SLC25A13: variants seen among roughly 807,000 people sequenced by gnomAD.
SLC25A13 encodes electrogenic aspartate/glutamate antiporter SLC25A13, mitochondrial.
In SLC25A13, 70 loss-of-function variants were observed where a neutral mutation model predicts 85.5. The ratio of observed to expected loss-of-function variants is 0.82; its 90% CI spans 0.68 to 1.00. SLC25A13 has a LOEUF of 1.00. Ranked by LOEUF, SLC25A13 falls within the 50% of genes least tolerant of loss-of-function variation. SLC25A13 has a pLI of 0.00. For missense variants in SLC25A13, 765 were observed against 819.8 expected (o/e 0.93, Z 0.82); for synonymous variants, 259 against 288.7 (o/e 0.90, Z 1.04).
intron 4 of SLC25A13, chr7:96,219,682 G>C (rs1796030872): frequency 1.9e-6 from 1 of 534,492 alleles, no homozygotes; most frequent in African/African-American, 1.9e-5. Flanking sequence ...ATTTGAGACA[G>C]AGCCAGGGAG....
chr7:96,184,859 G>T, intron 10 of SLC25A13, 68 bp downstream of exon 10: 2 of 1,300,606 alleles, frequency 1.5e-6, no homozygotes, highest in African/African-American at 1.5e-5. Flanking sequence ...AACATTTCAA[G>T]ATGGAAAATC....
intron 4 of SLC25A13, among the ~76,000 whole-genome samples, chr7:96,222,419 C>T (rs942383904): frequency 2.0e-5 from 3 of 152,114 alleles, no homozygotes; most frequent in Non-Finnish European, 4.4e-5. Context: ...CACTAGCCAG[C>T]CAACCAAACA....
chr7:96,160,307 AG>A (rs1793457274), intron 13 of SLC25A13, among the ~76,000 whole-genome samples: 1 of 152,218 alleles, frequency 6.6e-6, no homozygotes, highest in Non-Finnish European at 1.5e-5. Flanking sequence ...CCCAGTGTCT[AG>A]CATGAAAGTT....
chr7:96,148,932 C>A (rs1362929165), intron 13 of SLC25A13, among the ~76,000 whole-genome samples: 1 of 152,220 alleles, frequency 6.6e-6, no homozygotes, highest in African/African-American at 2.4e-5. Flanking sequence ...GTGCTCAAGA[C>A]AGAGCCTTTA....
intron 4 of SLC25A13, among the ~76,000 whole-genome samples, chr7:96,228,672 G>C (rs2116790933): frequency 6.6e-6 from 1 of 152,324 alleles, no homozygotes; most frequent in African/African-American, 2.4e-5. Context: ...GCCGAGGCCA[G>C]AGCCAGCTCC....
chr7:96,126,588 C>G (rs1400981964), intron 15 of SLC25A13, among the ~76,000 whole-genome samples: 1 of 152,186 alleles, frequency 6.6e-6, no homozygotes, highest in Admixed American at 6.5e-5. Flanking sequence ...CCCAGGCATT[C>G]TATTCTTCAC....
At chr7:96,129,904 A>G (rs1342222188) in intron 15 of SLC25A13, among the ~76,000 whole-genome samples, 1 of 152,250 alleles carries the variant, frequency 6.6e-6, no homozygotes, top group African/African-American at 2.4e-5. Flanking sequence ...AGTGAAAACT[A>G]TCTATACAAA....
intron 5 of SLC25A13, among the ~76,000 whole-genome samples, chr7:96,195,949 C>G (rs938712998): frequency 2.0e-5 from 3 of 152,204 alleles, no homozygotes; most frequent in Non-Finnish European, 4.4e-5. Context: ...TGCCTTTACA[C>G]CTACCTTACC....
chr7:96,291,985 A>AT (rs1437288501), intron 2 of SLC25A13, among the ~76,000 whole-genome samples: 2 of 152,212 alleles, frequency 1.3e-5, no homozygotes, highest in African/African-American at 4.8e-5. Flanking sequence ...AAAAAAGAGC[A>AT]TTTTAGACCA....
chr7:96,244,975 G>T (rs932505509), intron 3 of SLC25A13, among the ~76,000 whole-genome samples: 2 of 149,502 alleles, frequency 1.3e-5, no homozygotes, highest in African/African-American at 5.0e-5. Flanking sequence ...TATATATATA[G>T]GCTCTCGTAA....
At chr7:96,321,182 T>C (rs929704654) in intron 1 of SLC25A13, among the ~76,000 whole-genome samples, 3 of 152,212 alleles carry the variant, frequency 2.0e-5, no homozygotes, top group Admixed American at 6.5e-5. Flanking sequence ...TGGAGTTGCC[T>C]TTCCTCTGGG....
rs567734697 is a variant in SLC25A13 at position 96,149,086 on chromosome 7, C to G, written c.1312-2390G>C. On this transcript the variant is annotated intron_variant, in intron 13 of 17. Transcript: ENST00000265631. ...TTTAATAAGAATTTCTGCATCTGTC[C>G]TTGCTAAAATTTTCCTATGAGATTA... is the stretch of plus-strand genomic sequence containing the variant. Among the ~76,000 whole-genome samples, 204 of 152,250 alleles carry G rather than the reference C, an allele frequency of 1.3e-3. 2 individuals carry two copies. The Middle Eastern group carries it at 0.037, about 28-fold the overall frequency.
intron 1 of SLC25A13, among the ~76,000 whole-genome samples, chr7:96,319,614 A>G (rs1367980023): frequency 6.6e-6 from 1 of 151,198 alleles, no homozygotes; most frequent in Non-Finnish European, 1.5e-5. Flanking sequence ...AAATGACCTC[A>G]CTGATCATTT....
intron 3 of SLC25A13, among the ~76,000 whole-genome samples, chr7:96,269,674 C>T (rs548113319): frequency 6.6e-6 from 1 of 152,212 alleles, no homozygotes; most frequent in Non-Finnish European, 1.5e-5. Flanking sequence ...AGGTTCACTG[C>T]AGCATTATTC....
chr7:96,139,088 C>T (rs1451951056), intron 14 of SLC25A13, among the ~76,000 whole-genome samples: 1 of 152,178 alleles, frequency 6.6e-6, no homozygotes, highest in African/African-American at 2.4e-5. Flanking sequence ...GTACTATGTG[C>T]TCAACTCTAT....
intron 12 of SLC25A13, 42 bp downstream of exon 12, chr7:96,171,430 T>A: frequency 3.2e-6 from 5 of 1,563,776 alleles, no homozygotes; most frequent in Non-Finnish European, 4.4e-6. Flanking sequence ...CTTGAGTATG[T>A]ACAAAATCCC....
intron 5 of SLC25A13, among the ~76,000 whole-genome samples, chr7:96,193,881 G>C (rs1190613728): frequency 6.6e-6 from 1 of 152,188 alleles, no homozygotes. Context: ...ATGTGGATCA[G>C]GGGAGGTAAA....
intron 3 of SLC25A13, among the ~76,000 whole-genome samples, chr7:96,253,320 G>C (rs1797507349): frequency 6.6e-6 from 1 of 152,102 alleles, no homozygotes; most frequent in East Asian, 1.9e-4. Context: ...AGGAATGAGA[G>C]GAGAGAGGAA....
intron 9 of SLC25A13, among the ~76,000 whole-genome samples, chr7:96,188,687 T>C (rs1794727903): frequency 6.6e-6 from 1 of 152,254 alleles, no homozygotes; most frequent in African/African-American, 2.4e-5. Flanking sequence ...GTCTTAAGTT[T>C]CTGACTCCCA....
Sources: gnomAD v4.1 joint callset for allele counts (sites outside exome capture counted in the v4.1 genomes callset) on GRCh38, gnomAD v4.1.1 for gene constraint, MANE v1.5 for transcripts, NCBI Gene and HGNC (gene_info 2026-07-23, HGNC 2026-07-21) for gene names.